The following RPRD1A variants were observed in gnomAD, a reference collection of about 807,000 sequenced individuals.
RPRD1A encodes regulation of nuclear pre-mRNA domain-containing protein 1A.
RPRD1A carries 9 observed loss-of-function variants against 37.8 expected under a neutral mutation model. The ratio of observed to expected loss-of-function variants is 0.24; its 90% CI spans 0.14 to 0.42. The LOEUF is 0.42. Among genes scored for constraint, RPRD1A ranks in the 10% least tolerant of loss-of-function variants. The probability of loss-of-function intolerance (pLI) is 1.00; values close to 1 mark genes in which losing one functional copy is unlikely to be tolerated. For synonymous variants in RPRD1A, 138 were observed against 139.7 expected (o/e 0.99, Z 0.08); for missense variants, 255 against 371.0 (o/e 0.69, Z 2.57).
At chr18:36,015,657 T>C (rs748473821) in intron 6 of RPRD1A, among the ~76,000 whole-genome samples, 1 of 152,210 alleles carries the variant, frequency 6.6e-6, no homozygotes, top group African/African-American at 2.4e-5. Context: ...AAGGAAATTC[T>C]GACATGTACT....
chr18:36,045,285 A>G (rs1341815164), intron 1 of RPRD1A, among the ~76,000 whole-genome samples: 2 of 152,108 alleles, frequency 1.3e-5, no homozygotes, highest in African/African-American at 4.8e-5. Context: ...AAAAAAAACT[A>G]ACTCAATTGA....
intron 1 of RPRD1A, among the ~76,000 whole-genome samples, chr18:36,049,832 T>C (rs1184647720): frequency 6.6e-6 from 1 of 152,222 alleles, no homozygotes; most frequent in African/African-American, 2.4e-5. Flanking sequence ...TAGGAGTTTA[T>C]ACTCAGGTGG....
At chr18:36,046,605 T>C (rs1472611186) in intron 1 of RPRD1A, among the ~76,000 whole-genome samples, 2 of 150,260 alleles carry the variant, frequency 1.3e-5, no homozygotes, top group African/African-American at 4.9e-5. Flanking sequence ...CCGGGGTGGG[T>C]GGATTGCTTG....
chr18:36,020,198 A>G (rs141226270), intron 6 of RPRD1A, among the ~76,000 whole-genome samples: 5 of 152,356 alleles, frequency 3.3e-5, no homozygotes, highest in African/African-American at 9.6e-5. Flanking sequence ...ATATGTAATG[A>G]TAAGTCTTAA....
rs1165019584 is a variant in RPRD1A at position 36,014,950 on chromosome 18, G to A, written c.789+11950C>T. Among the ~76,000 whole-genome samples, 6 of 152,038 alleles carry A rather than the reference G, an allele frequency of 3.9e-5. No homozygotes were observed. The East Asian group carries it at 9.6e-4, about 24-fold the overall frequency. ...TCAACAAAGACAGAAAACACCAAAT[G>A]TTGGTGAGGATGTGGAGAAAATGGA... On this transcript the variant is annotated intron_variant, in intron 6 of 6. Coordinates refer to ENST00000399022, the MANE Select transcript of RPRD1A (RefSeq NM_018170.5).
rs1555670660 is a variant in RPRD1A at position 36,008,569 on chromosome 18, T to TATATATATATATATATATATATATA, written c.790-15270_790-15269insTATATATATATATATATATATATAT. Reference sequence around the variant, plus strand: ...CTAGCCTGGGCGACACAGCAAGACCTTGTGTGTGTATATATATATATCTTT... The same window carrying TATATATATATATATATATATATATA: ...CTAGCCTGGGCGACACAGCAAGACCTATATATATATATATATATATATATATGTGTGTGTATATATATATATCTTT... On this transcript the variant is annotated intron_variant, in intron 6 of 6. Coordinates refer to ENST00000399022, the MANE Select transcript of RPRD1A (RefSeq NM_018170.5). Among the ~76,000 whole-genome samples the TATATATATATATATATATATATATA allele has an allele frequency of 4.6e-4, 26 of 56,052 alleles. 1 individual carries two copies. The highest frequency in any genetic ancestry group is 1.5e-3 in the African/African-American group (10 of 6,886). The allele number at this position is 56,052 out of a possible 152,430, so 36.8% of individuals were successfully genotyped here. A position where few individuals can be genotyped will look rare whatever the true frequency, so the allele number is the denominator to read the frequency against.
intron 1 of RPRD1A, among the ~76,000 whole-genome samples, chr18:36,051,175 G>A (rs1487865622): frequency 6.6e-6 from 1 of 152,102 alleles, no homozygotes; most frequent in African/African-American, 2.4e-5. Context: ...ATGATTAGGT[G>A]CTACTGGTTT....
chr18:36,050,188 C>T lies in RPRD1A; in HGVS notation c.152-16351G>A, dbSNP rs534924684. Among the ~76,000 whole-genome samples the T allele has an allele frequency of 8.6e-5, 13 of 151,736 alleles. No individual in the cohort carries two copies. The East Asian group carries it at 9.7e-4, about 11-fold the overall frequency. On this transcript the variant is annotated intron_variant, in intron 1 of 6. Coordinates refer to ENST00000399022, the MANE Select transcript of RPRD1A (RefSeq NM_018170.5). ...GTGCTACACAACTGAATGTACTTAA[C>T]GCCACCGAACTGTACAAGAAAAAAG...
intron 1 of RPRD1A, among the ~76,000 whole-genome samples, chr18:36,061,670 T>C (rs2088913329): frequency 6.6e-6 from 1 of 152,200 alleles, no homozygotes; most frequent in Non-Finnish European, 1.5e-5. Flanking sequence ...TTTAAAACAG[T>C]CACCTTCAAA....
intron 4 of RPRD1A, among the ~76,000 whole-genome samples, chr18:36,029,864 G>A (rs1911644038): frequency 6.6e-6 from 1 of 151,252 alleles, no homozygotes; most frequent in African/African-American, 2.4e-5. Flanking sequence ...GGAGTGCAGT[G>A]GTGCTATCTC....
chr18:36,014,968 A>G (rs1404946426), intron 6 of RPRD1A, among the ~76,000 whole-genome samples: 1 of 152,094 alleles, frequency 6.6e-6, no homozygotes, highest in African/African-American at 2.4e-5. Flanking sequence ...GGATGTGGAG[A>G]AAATGGAACC....
intron 6 of RPRD1A, among the ~76,000 whole-genome samples, chr18:36,021,914 T>C (rs545024020): frequency 3.3e-5 from 5 of 152,234 alleles, no homozygotes; most frequent in South Asian, 2.1e-4. Context: ...AGTGGAAGGA[T>C]TGCTAGAGCC....
At chr18:36,058,378 C>A (rs1024245011) in intron 1 of RPRD1A, among the ~76,000 whole-genome samples, 4 of 152,038 alleles carry the variant, frequency 2.6e-5, no homozygotes, top group Admixed American at 2.6e-4. Flanking sequence ...TCTACTTGTA[C>A]ATTTTGAATG....
At chr18:36,011,985 C>T (rs1910207086) in intron 6 of RPRD1A, among the ~76,000 whole-genome samples, 1 of 152,180 alleles carries the variant, frequency 6.6e-6, no homozygotes, top group African/African-American at 2.4e-5. Flanking sequence ...TACATAATTA[C>T]ATCTTTTTGT....
chr18:36,032,085 T>C lies in RPRD1A; in HGVS notation c.282-988A>G, dbSNP rs1403935002. Among the ~76,000 whole-genome samples, 26 of 152,222 alleles carry C rather than the reference T, an allele frequency of 1.7e-4. 1 individual carries two copies. Among genetic ancestry groups the C allele is most frequent in the Non-Finnish European group, 1.5e-5 (1 of 68,026 alleles). On this transcript the variant is annotated intron_variant, in intron 2 of 6. Transcript: ENST00000399022. ...CTTTAGTCTTTGTTCAAATGCCACC[T>C]TCCCCAAATAGTTGTTCTTTATCTC... is the stretch of plus-strand genomic sequence containing the variant.
intron 6 of RPRD1A, among the ~76,000 whole-genome samples, chr18:36,004,395 C>T (rs1909611216): frequency 6.6e-6 from 1 of 152,136 alleles, no homozygotes; most frequent in African/African-American, 2.4e-5. Context: ...GCTAGGACTA[C>T]AGGCGCACAC....
chr18:36,036,541 A>G (rs955283104), intron 1 of RPRD1A, among the ~76,000 whole-genome samples: 1 of 152,210 alleles, frequency 6.6e-6, no homozygotes, highest in African/African-American at 2.4e-5. Context: ...TCCAAATACC[A>G]AGATACTATT....
intron 6 of RPRD1A, among the ~76,000 whole-genome samples, chr18:35,995,435 T>C (rs755826226): frequency 1.3e-5 from 2 of 151,918 alleles, no homozygotes; most frequent in African/African-American, 2.4e-5. Context: ...CCCACTAATT[T>C]TTTTGTATTT....
chr18:36,034,943 C>T (rs1326341746), intron 1 of RPRD1A, among the ~76,000 whole-genome samples: 5 of 152,212 alleles, frequency 3.3e-5, no homozygotes, highest in Non-Finnish European at 7.3e-5. Flanking sequence ...CAAACCTGTG[C>T]CATGCCACTG....
Sources: allele counts gnomAD v4.1 joint callset (sites outside exome capture counted in the v4.1 genomes callset), GRCh38; gene constraint gnomAD v4.1.1; transcripts MANE v1.5; gene names NCBI Gene and HGNC (gene_info 2026-07-23, HGNC 2026-07-21).